The following BBX variants were observed in gnomAD, a reference collection of about 807,000 sequenced individuals.
BBX encodes the protein BBX high mobility group box domain containing, also known as HMG box transcription factor BBX.
In BBX, 30 loss-of-function variants were observed where a neutral mutation model predicts 100.2. The ratio of observed to expected loss-of-function variants is 0.30; its 90% CI spans 0.22 to 0.41. The LOEUF (loss-of-function observed/expected upper bound fraction) is 0.41. Among genes scored for constraint, BBX ranks in the 10% least tolerant of loss-of-function variants. The probability of loss-of-function intolerance (pLI) is 1.00; values close to 1 mark genes in which losing one functional copy is unlikely to be tolerated. For synonymous variants in BBX, 376 were observed against 388.1 expected (o/e 0.97, Z 0.37); for missense variants, 1,023 against 1,129.8 (o/e 0.91, Z 1.35).
At chr3:107,546,264 G>A (rs767950863) in intron 2 of BBX, among the ~76,000 whole-genome samples, 1 of 152,166 alleles carries the variant, frequency 6.6e-6, no homozygotes, top group African/African-American at 2.4e-5. Flanking sequence ...AAGATGTTAC[G>A]TCTTCTCTAG....
chr3:107,549,046 A>G (rs1431260113), intron 2 of BBX, among the ~76,000 whole-genome samples: 1 of 152,196 alleles, frequency 6.6e-6, no homozygotes, highest in Non-Finnish European at 1.5e-5. Flanking sequence ...GGGTATGCTC[A>G]CCACCTGGGT....
intron 3 of BBX, among the ~76,000 whole-genome samples, chr3:107,690,525 A>G (rs1239537447): frequency 6.6e-6 from 1 of 152,204 alleles, no homozygotes; most frequent in African/African-American, 2.4e-5. Context: ...TTAACTCAAT[A>G]TGTGGATGGT....
chr3:107,621,207 G>T (rs1302431824), intron 2 of BBX, among the ~76,000 whole-genome samples: 3 of 152,206 alleles, frequency 2.0e-5, no homozygotes, highest in African/African-American at 7.2e-5. Flanking sequence ...CTGACTTTTG[G>T]GGGGAGCTGG....
intron 2 of BBX, among the ~76,000 whole-genome samples, chr3:107,598,884 T>G (rs2053853336): frequency 6.6e-6 from 1 of 152,126 alleles, no homozygotes; most frequent in Non-Finnish European, 1.5e-5. Flanking sequence ...GAAGACTTTC[T>G]CAAAACAAAA....
chr3:107,542,670 C>T (rs1183035060), intron 2 of BBX, among the ~76,000 whole-genome samples: 1 of 152,150 alleles, frequency 6.6e-6, no homozygotes, highest in African/African-American at 2.4e-5. Flanking sequence ...ACTATTATCT[C>T]CACTTTGAAT....
intron 4 of BBX, 70 bp downstream of exon 4, chr3:107,710,692 A>T: frequency 7.3e-7 from 1 of 1,362,314 alleles, no homozygotes; most frequent in Admixed American, 2.6e-5. Context: ...ACAATAGTGA[A>T]CATGAATGAT....
chr3:107,767,507 A>G (rs1576707755), intron 10 of BBX, among the ~76,000 whole-genome samples: 1 of 152,354 alleles, frequency 6.6e-6, no homozygotes, highest in South Asian at 2.1e-4. Flanking sequence ...TTTCAACCTC[A>G]CTTTTGATCA....
At chr3:107,576,692 A>C (rs1354348537) in intron 2 of BBX, among the ~76,000 whole-genome samples, 1 of 149,856 alleles carries the variant, frequency 6.7e-6, no homozygotes, top group Non-Finnish European at 1.5e-5. Flanking sequence ...GATACAAGTC[A>C]AGATTCCAAA....
At chr3:107,537,932 C>T (rs1234314419) in intron 2 of BBX, among the ~76,000 whole-genome samples, 1 of 152,176 alleles carries the variant, frequency 6.6e-6, no homozygotes, top group African/African-American at 2.4e-5. Flanking sequence ...GTTCAAAGCT[C>T]ACATCAGTAA....
intron 2 of BBX, among the ~76,000 whole-genome samples, chr3:107,593,259 C>T (rs1305926442): frequency 6.6e-6 from 1 of 152,184 alleles, no homozygotes; most frequent in Non-Finnish European, 1.5e-5. Context: ...GACCCTAAGG[C>T]GTATCTTCTG....
At chr3:107,669,259 G>A (rs138651166) in intron 3 of BBX, among the ~76,000 whole-genome samples, 117 of 152,238 alleles carry the variant, frequency 7.7e-4, no homozygotes, top group African/African-American at 2.7e-3. Context: ...AGAGGAAGGA[G>A]ATGTTATTTT....
At chr3:107,538,723 G>A (rs904645419) in intron 2 of BBX, among the ~76,000 whole-genome samples, 1 of 152,074 alleles carries the variant, frequency 6.6e-6, no homozygotes, top group East Asian at 1.9e-4. Context: ...GGTCTATAAA[G>A]TATACATAAG....
chr3:107,774,212 A>G (rs1411137656), intron 11 of BBX, among the ~76,000 whole-genome samples: 5 of 152,166 alleles, frequency 3.3e-5, no homozygotes, highest in Non-Finnish European at 7.3e-5. Flanking sequence ...CCTTTATTCC[A>G]TTGAGTGTTT....
chr3:107,799,331 A>C (rs760558975), intron 16 of BBX, among the ~76,000 whole-genome samples: 4 of 152,172 alleles, frequency 2.6e-5, no homozygotes, highest in African/African-American at 4.8e-5. Flanking sequence ...CATGTCAGCA[A>C]ATGACTGTAA....
At chr3:107,766,287 G>T (rs2066388415) in intron 10 of BBX, among the ~76,000 whole-genome samples, 1 of 152,104 alleles carries the variant, frequency 6.6e-6, no homozygotes, top group South Asian at 2.1e-4. Context: ...ATTTGTAAAA[G>T]AATATAAATC....
At chr3:107,613,659 T>C (rs1291526946) in intron 2 of BBX, among the ~76,000 whole-genome samples, 3 of 152,002 alleles carry the variant, frequency 2.0e-5, no homozygotes, top group Non-Finnish European at 4.4e-5. Context: ...AAAAAACCCA[T>C]CCATCACATT....
intron 13 of BBX, among the ~76,000 whole-genome samples, chr3:107,782,553 G>A (rs1480976612): frequency 2.0e-5 from 3 of 152,024 alleles, no homozygotes; most frequent in Non-Finnish European, 4.4e-5. Flanking sequence ...AGAAAGTATC[G>A]TGCTAGGCTC....
intron 3 of BBX, among the ~76,000 whole-genome samples, chr3:107,665,988 C>A (rs1466690440): frequency 3.3e-5 from 5 of 152,186 alleles, no homozygotes; most frequent in Admixed American, 3.3e-4. Context: ...TCTTTCCTTG[C>A]ACCTTCATGT....
rs917004768 is a variant in BBX at position 107,811,120 on chromosome 3, T to A, written c.*5663T>A. ...TATTTCTAAAAATTGCACATGTAAG[T>A]CATGTGTATAACATGCTAAAGTACT... On this transcript the variant is annotated 3_prime_UTR_variant, in exon 18 of 18. Transcript: ENST00000325805. 35 of 152,248 alleles carry A rather than the reference T, an allele frequency of 2.3e-4. 1 individual carries two copies. 9.4% of individuals were successfully genotyped at this position (152,248 alleles called of 1,614,324 possible).
Sources: gnomAD v4.1 joint callset for allele counts (sites outside exome capture counted in the v4.1 genomes callset) on GRCh38, gnomAD v4.1.1 for gene constraint, MANE v1.5 for transcripts, NCBI Gene and HGNC (gene_info 2026-07-23, HGNC 2026-07-21) for gene names.